Variants in DNAJB14 observed in about 807,000 individuals in gnomAD.
The protein encoded by DNAJB14 is dnaJ homolog subfamily B member 14.
A neutral mutation model predicts 48.4 loss-of-function variants in DNAJB14; 22 were observed. The observed-to-expected ratio is 0.45, with a 90% CI of 0.32 to 0.65. DNAJB14 has a LOEUF of 0.65. Among genes scored for constraint, DNAJB14 ranks in the 30% least tolerant of loss-of-function variants. DNAJB14 has a pLI of 0.03. For synonymous variants in DNAJB14, 142 were observed against 158.7 expected (o/e 0.89, Z 0.79); for missense variants, 319 against 458.8 (o/e 0.70, Z 2.78).
chr4:99,924,650 A>G, intron 2 of DNAJB14: 1 of 1,423,492 alleles, frequency 7.0e-7, no homozygotes, highest in South Asian at 1.3e-5. Flanking sequence ...ATATATCTGT[A>G]AACAAAAAAA....
intron 2 of DNAJB14, chr4:99,924,284 GTTTTCA>G (rs1338039250): frequency 6.7e-6 from 1 of 149,278 alleles, no homozygotes; most frequent in East Asian, 2.0e-4. Flanking sequence ...CTGACTCAAA[GTTTTCA>G]AAGAAAAGAG....
intron 3 of DNAJB14, among the ~76,000 whole-genome samples, chr4:99,919,367 G>C (rs1461053039): frequency 6.6e-6 from 1 of 151,978 alleles, no homozygotes; most frequent in Non-Finnish European, 1.5e-5. Context: ...GGTGGATCAC[G>C]AGGTCAGGAG....
At chr4:99,928,505 A>C in intron 2 of DNAJB14, 1 of 428,336 alleles carries the variant, frequency 2.3e-6, no homozygotes, top group Non-Finnish European at 4.8e-6. Context: ...CATACACACA[A>C]AACCAACCCC....
At chr4:99,909,205 TAAC>T (rs915303430) in intron 3 of DNAJB14, among the ~76,000 whole-genome samples, 11 of 152,048 alleles carry the variant, frequency 7.2e-5, no homozygotes, top group African/African-American at 2.7e-4. Flanking sequence ...TTTAAACCAA[TAAC>T]AATAGCAGTA....
intron 1 of DNAJB14, among the ~76,000 whole-genome samples, chr4:99,944,768 C>A (rs1727006759): frequency 6.6e-6 from 1 of 151,722 alleles, no homozygotes; most frequent in Admixed American, 6.6e-5. Flanking sequence ...GTAGAGATGG[C>A]GTTTCATCAT....
Position 99,930,493 on chromosome 4 carries a change from C to T in DNAJB14, c.262G>A (p.Gly88Ser), listed in dbSNP as rs1214860990. The change falls in exon 2 of 8, where the codon GGT becomes AGT. Residue 88 changes from glycine (G) to serine (S), a missense_variant. Physicochemically the swap from Gly to Ser is moderately conservative, Grantham distance 56. Around this residue, in one of 3 missense-constraint regions of DNAJB14, gnomAD observed 116 missense variants for 134.6 expected, o/e 0.86. Coordinates refer to ENST00000442697, the MANE Select transcript of DNAJB14 (RefSeq NM_001031723.4). Reference sequence around the variant, plus strand: ...TGGTCTTTGGTATAGCCTTTTCCACCTTCACCACTACCAGATGTGCTGTCC... The same window carrying T: ...TGGTCTTTGGTATAGCCTTTTCCACTTTCACCACTACCAGATGTGCTGTCC... ...TKDSTSGSGE[G>S]GKGYTKDQVD... 7 of 1,609,262 alleles carry T rather than the reference C, an allele frequency of 4.3e-6. No individual in the cohort carries two copies. Among genetic ancestry groups the T allele is most frequent in the Non-Finnish European group, 5.9e-6 (7 of 1,177,614 alleles).
At chr4:99,917,450 T>C (rs556510784) in intron 3 of DNAJB14, among the ~76,000 whole-genome samples, 13 of 152,308 alleles carry the variant, frequency 8.5e-5, no homozygotes, top group Admixed American at 8.5e-4. Flanking sequence ...TGGTTCCTTC[T>C]AGCTGTGTCT....
At position 99,897,870 on chromosome 4, in the gene DNAJB14, T is replaced by C. The variant is rs1466451561; in HGVS notation, c.*3158A>G. 1 of 151,972 alleles carries C rather than the reference T, an allele frequency of 6.6e-6. No individual in the cohort carries two copies. Among genetic ancestry groups the C allele is most frequent in the African/African-American group, 2.4e-5 (1 of 41,412 alleles). 9.4% of individuals were successfully genotyped at this position (151,972 alleles called of 1,614,324 possible). On this transcript the variant is annotated 3_prime_UTR_variant, in exon 8 of 8. Transcript: ENST00000442697. ...AATGTACAAATTCTCTTCTTAACCA[T>C]TTGGTCCTCTGATATAAAACTTGCT...
intron 2 of DNAJB14, chr4:99,924,952 G>T: frequency 1.5e-6 from 1 of 646,984 alleles, no homozygotes; most frequent in Non-Finnish European, 2.8e-6. Context: ...CCATTTAAGT[G>T]TGAATACCTG....
chr4:99,928,156 T>C (rs1474731016), intron 2 of DNAJB14: 1 of 152,560 alleles, frequency 6.6e-6, no homozygotes, highest in Non-Finnish European at 1.5e-5. Flanking sequence ...AAAGAATTCA[T>C]GGTCCCAAAT....
At chr4:99,918,092 AC>A (rs1725921182) in intron 3 of DNAJB14, among the ~76,000 whole-genome samples, 1 of 152,106 alleles carries the variant, frequency 6.6e-6, no homozygotes, top group South Asian at 2.1e-4. Context: ...TTCTTCTAGG[AC>A]ACCAATCACC....
chr4:99,897,944 T>A lies in DNAJB14; in HGVS notation c.*3084A>T, dbSNP rs537838373. The A allele has an allele frequency of 6.6e-6, 1 of 152,098 alleles. No individual in the cohort carries two copies. The highest frequency in any genetic ancestry group is 2.1e-4 in the South Asian group (1 of 4,834). The allele number at this position is 152,098 out of a possible 1,614,324, so 9.4% of individuals were successfully genotyped here. ...GTCCTCAAGCCAACATCAAGAAATA[T>A]TTAGCTGTCTTAACACAGGTGGGAG... On this transcript the variant is annotated 3_prime_UTR_variant, in exon 8 of 8. Coordinates refer to ENST00000442697, the MANE Select transcript of DNAJB14 (RefSeq NM_001031723.4).
rs71594566 is a variant in DNAJB14 at position 99,897,201 on chromosome 4, A to ATATATATAT, written c.*3826_*3827insATATATATA. The ATATATATAT allele has an allele frequency of 7.5e-6, 1 of 133,848 alleles. No individual in the cohort carries two copies. The highest frequency in any genetic ancestry group is 2.8e-5 in the African/African-American group (1 of 35,294). 8.3% of individuals were successfully genotyped at this position (133,848 alleles called of 1,614,324 possible). A position where few individuals can be genotyped will look rare whatever the true frequency, so the allele number is the denominator to read the frequency against. ...TAATTAGCTGGGAAAAAAAAAAAAA[A>ATATATATAT]ATATATATATATATATATACACCTA... On this transcript the variant is annotated 3_prime_UTR_variant, in exon 8 of 8. Transcript: ENST00000442697.
intron 1 of DNAJB14, among the ~76,000 whole-genome samples, chr4:99,932,889 T>C (rs1048851198): frequency 4.6e-5 from 7 of 152,158 alleles, no homozygotes; most frequent in African/African-American, 1.7e-4. Context: ...AAAGATGGTA[T>C]ACTATACGGT....
rs59597113 is a variant in DNAJB14 at position 99,938,097 on chromosome 4, C to CAAAAAA, written c.134-7482_134-7477dup. On this transcript the variant is annotated intron_variant, in intron 1 of 7. Transcript: ENST00000442697. The stretch of plus-strand genomic sequence containing the variant: ...ACATGGCGAAACCATGTTAAAAATA[C>CAAAAAA]AAAAAAAAAAAAAAAAAAAAAAAAA... Among the ~76,000 whole-genome samples, 18 of 40,972 alleles carry CAAAAAA rather than the reference C, an allele frequency of 4.4e-4. 2 individuals are homozygous for CAAAAAA. The highest frequency in any genetic ancestry group is 1.3e-3 in the South Asian group (1 of 778). 26.9% of individuals were successfully genotyped at this position (40,972 alleles called of 152,430 possible).
chr4:99,898,360 ATATAT>A lies in DNAJB14; in HGVS notation c.*2663_*2667del, dbSNP rs1387059138. ...TGTTCAAATGTAATCTGTTTACAAA[ATATAT>A]TATTTTCACTTATTAGATGAATTCA... is the stretch of plus-strand genomic sequence containing the variant. On this transcript the variant is annotated 3_prime_UTR_variant, in exon 8 of 8. Transcript: ENST00000442697. The A allele has an allele frequency of 6.6e-6, 1 of 152,038 alleles. No individual in the cohort carries two copies. Among genetic ancestry groups the A allele is most frequent in the Non-Finnish European group, 1.5e-5 (1 of 67,868 alleles). 9.4% of individuals were successfully genotyped at this position (152,038 alleles called of 1,614,324 possible). A position where few individuals can be genotyped will look rare whatever the true frequency, so the allele number is the denominator to read the frequency against.
intron 6 of DNAJB14, among the ~76,000 whole-genome samples, chr4:99,904,729 A>T (rs1560730663): frequency 6.6e-6 from 1 of 152,118 alleles, no homozygotes; most frequent in African/African-American, 2.4e-5. Flanking sequence ...ATTTTTAAAT[A>T]TACTATGCTT....
At chr4:99,918,665 G>T (rs753187597) in intron 3 of DNAJB14, among the ~76,000 whole-genome samples, 1 of 152,172 alleles carries the variant, frequency 6.6e-6, no homozygotes, top group Non-Finnish European at 1.5e-5. Flanking sequence ...GGATAGATAC[G>T]TAAGTTCCCT....
chr4:99,913,170 T>C (rs1001317757), intron 3 of DNAJB14, among the ~76,000 whole-genome samples: 4 of 152,210 alleles, frequency 2.6e-5, no homozygotes, highest in African/African-American at 7.2e-5. Context: ...GTATGCCTTT[T>C]ATTTCCTTTT....
Sources: allele counts gnomAD v4.1 joint callset (sites outside exome capture counted in the v4.1 genomes callset), GRCh38; gene constraint gnomAD v4.1.1; regional missense constraint gnomAD v4.1.1; transcripts MANE v1.5; gene names NCBI Gene and HGNC (gene_info 2026-07-23, HGNC 2026-07-21).